Variants in CMYA5 observed in about 807,000 individuals in gnomAD.
CMYA5 encodes cardiomyopathy-associated protein 5.
Under a neutral mutation model 318.9 loss-of-function variants are expected in CMYA5, and 246 were observed. The ratio of observed to expected loss-of-function variants is 0.77; its 90% CI spans 0.70 to 0.86. The LOEUF is 0.86. Ranked by LOEUF, CMYA5 falls within the 40% of genes least tolerant of loss-of-function variation. The probability of loss-of-function intolerance (pLI) is 0.00; values close to 1 mark genes in which losing one functional copy is unlikely to be tolerated. For missense variants in CMYA5, 4,589 were observed against 4,678.2 expected (o/e 0.98, Z 0.56); for synonymous variants, 1,641 against 1,729.5 (o/e 0.95, Z 1.27).
rs1005231971 is a variant in CMYA5 at position 79,730,039 on chromosome 5, A to G, written c.1274A>G (p.Glu425Gly). The change falls in exon 2 of 13, where the codon GAA becomes GGA. Residue 425 changes from glutamate to glycine, a missense_variant. By Grantham distance (98) the Glu-to-Gly change is moderately conservative (BLOSUM62 -2). Coordinates refer to ENST00000446378, the MANE Select transcript of CMYA5 (RefSeq NM_153610.5). ...TCATTTGCTAATGAGGTAAAGAAGG[A>G]AGATGTGTATTCTGCTCACCATTCC... Reference protein sequence around the residue: ...SPSFANEVKKEDVYSAHHSIS... With the variant: ...SPSFANEVKKGDVYSAHHSIS... 1.2e-5 allele frequency: 20 copies of G among 1,613,966 alleles called. No individual in the cohort carries two copies. The highest frequency in any genetic ancestry group is 1.5e-5 in the Non-Finnish European group (18 of 1,179,898).
At position 79,732,719 on chromosome 5, in the gene CMYA5, A is replaced by G. The variant is rs778376042; in HGVS notation, c.3954A>G (p.Ser1318=). Residue 1318 remains serine (S), a synonymous_variant, in exon 2 of 13, where the codon TCA becomes TCG. Transcript: ENST00000446378. Reference sequence around the variant, plus strand: ...CAACTACACCTATAGTGCTTCATTCAGCTTCCTCAGGAGTGGAAAAGCAAG... The same window carrying G: ...CAACTACACCTATAGTGCTTCATTCGGCTTCCTCAGGAGTGGAAAAGCAAG... ...KITTTPIVLH[S]ASSGVEKQVE... 3 of 1,613,688 alleles carry G rather than the reference A, an allele frequency of 1.9e-6. No individual in the cohort carries two copies. The highest frequency in any genetic ancestry group is 2.2e-5 in the South Asian group (2 of 91,010).
Position 79,737,658 on chromosome 5 carries a change from A to G in CMYA5, c.8893A>G (p.Ile2965Val). Reference protein sequence around the residue: ...NIHAPAFISSIDQEESEQMQD... With the variant: ...NIHAPAFISSVDQEESEQMQD... ...TCATGCTCCGGCCTTTATTTCTTCAATCGATCAGGAAGAAAGTGAACAAAT... is the reference window on the plus strand; with the variant it reads ...TCATGCTCCGGCCTTTATTTCTTCAGTCGATCAGGAAGAAAGTGAACAAAT... Residue 2965 changes from isoleucine (I) to valine (V), a missense_variant, in exon 2 of 13, where the codon ATC becomes GTC. Physicochemically the swap from Ile to Val is conservative, Grantham distance 29. Around this residue, in one of 3 missense-constraint regions of CMYA5, gnomAD observed 2,431 missense variants for 2,495.1 expected, o/e 0.97. Transcript: ENST00000446378. 1.9e-6 allele frequency: 3 copies of G among 1,613,480 alleles called. No individual in the cohort carries two copies. Among genetic ancestry groups the G allele is most frequent in the Non-Finnish European group, 2.5e-6 (3 of 1,179,656 alleles).
At chr5:79,778,913 A>ATTT (rs1402427063) in intron 9 of CMYA5, among the ~76,000 whole-genome samples, 1 of 89,858 alleles carries the variant, frequency 1.1e-5, no homozygotes, top group Non-Finnish European at 2.2e-5. Flanking sequence ...TTTTTTTTTA[A>ATTT]TTTTTTTTTT....
intron 5 of CMYA5, among the ~76,000 whole-genome samples, chr5:79,748,187 A>G (rs919999173): frequency 6.6e-6 from 1 of 152,184 alleles, no homozygotes; most frequent in Non-Finnish European, 1.5e-5. Context: ...ATCTTCTGAG[A>G]TTCTGATTTA....
Position 79,732,046 on chromosome 5 carries a change from CA to C in CMYA5, c.3282del (p.Glu1095ArgfsTer25). 1.2e-6 allele frequency: 2 copies of C among 1,613,894 alleles called. No homozygotes were observed. Among genetic ancestry groups the C allele is most frequent in the Non-Finnish European group, 1.7e-6 (2 of 1,179,866 alleles). On this transcript the variant is annotated frameshift_variant, in exon 2 of 13. Coordinates refer to ENST00000446378, the MANE Select transcript of CMYA5 (RefSeq NM_153610.5). LOFTEE classifies it high-confidence loss of function. ...AAATCAGAGAAAGCAGAAATTAAGC[CA>C]GAGATTCCAACAACCTCAACATCTG... ...TDKSEKAEIK[P>X]EIPTTSTSVS...
In CMYA5 at chr5:79,736,306, C is replaced by A; in HGVS notation, c.7541C>A (p.Pro2514Gln). 6.2e-7 allele frequency: 1 copy of A among 1,613,524 alleles called. No homozygotes were observed. The highest frequency in any genetic ancestry group is 8.5e-7 in the Non-Finnish European group (1 of 1,179,760). Residue 2514 changes from proline to glutamine, a missense_variant, in exon 2 of 13, where the codon CCA becomes CAA. This residue lies in a region of CMYA5 where 2,431 missense variants were observed against 2,495.1 expected (regional missense o/e 0.97). Coordinates refer to ENST00000446378, the MANE Select transcript of CMYA5 (RefSeq NM_153610.5). ...AAAGAATCAAAAGCCGATGCTATGC[C>A]ACAGCACTTCTATCAAAATGAAGAC... Reference protein sequence around the residue: ...ELKESKADAMPQHFYQNEDYN... With the variant: ...ELKESKADAMQQHFYQNEDYN...
At position 79,689,867 on chromosome 5, in the gene CMYA5, GCGGCTC is replaced by G. The variant is rs749728973; in HGVS notation, c.-30_-25del. The G allele has an allele frequency of 1.8e-5, 12 of 661,676 alleles. No homozygotes were observed. The highest frequency in any genetic ancestry group is 1.1e-4 in the South Asian group (7 of 61,452). 41.0% of individuals were successfully genotyped at this position (661,676 alleles called of 1,614,324 possible). On this transcript the variant is annotated 5_prime_UTR_variant, in exon 1 of 13. Coordinates refer to ENST00000446378, the MANE Select transcript of CMYA5 (RefSeq NM_153610.5). ...AGGGAGAACACCAGGCGCGGCGCGG[GCGGCTC>G]CGGCTCCGGCCCCGGCCCAGGCCCG...
At chr5:79,760,546 G>A (rs1179613199) in intron 7 of CMYA5, among the ~76,000 whole-genome samples, 1 of 152,166 alleles carries the variant, frequency 6.6e-6, no homozygotes, top group Admixed American at 6.5e-5. Context: ...GGGGAAGCAA[G>A]CACATCTTCC....
At chr5:79,756,253 GC>G (rs1828526313) in intron 6 of CMYA5, among the ~76,000 whole-genome samples, 1 of 152,168 alleles carries the variant, frequency 6.6e-6, no homozygotes, top group Non-Finnish European at 1.5e-5. Context: ...CTCACCAGCG[GC>G]CTCTGCCTTA....
In CMYA5 at chr5:79,733,129, C is replaced by T; in HGVS notation, c.4364C>T (p.Ala1455Val). The change falls in exon 2 of 13, where the codon GCA (alanine) becomes GTA (valine). Residue 1455 changes from alanine to valine, a missense_variant. Coordinates refer to ENST00000446378, the MANE Select transcript of CMYA5 (RefSeq NM_153610.5). ...TCACTTCCAAGTGTCTCCTCTATAGCAGAGCATTCTGTTTTGTCAGAAGTA... is the reference window on the plus strand; with the variant it reads ...TCACTTCCAAGTGTCTCCTCTATAGTAGAGCATTCTGTTTTGTCAGAAGTA... ...FDSLPSVSSI[A>V]EHSVLSEVEA... 1 of 1,613,788 alleles carries T rather than the reference C, an allele frequency of 6.2e-7. No homozygotes were observed. The highest frequency in any genetic ancestry group is 8.5e-7 in the Non-Finnish European group (1 of 1,179,828).
chr5:79,754,688 T>G (rs1354770105), intron 6 of CMYA5, among the ~76,000 whole-genome samples: 1 of 152,020 alleles, frequency 6.6e-6, no homozygotes, highest in Non-Finnish European at 1.5e-5. Flanking sequence ...ATAACAAAAT[T>G]TACCATCTTG....
In CMYA5 at chr5:79,730,385, A is replaced by G. The variant is rs771262756; in HGVS notation, c.1620A>G (p.Pro540=). 3.0e-5 allele frequency: 48 copies of G among 1,613,806 alleles called. No individual in the cohort carries two copies. Among genetic ancestry groups the G allele is most frequent in the Non-Finnish European group, 3.7e-5 (44 of 1,179,892 alleles). The change falls in exon 2 of 13, where the codon CCA becomes CCG. Residue 540 remains proline (P), a synonymous_variant. Coordinates refer to ENST00000446378, the MANE Select transcript of CMYA5 (RefSeq NM_153610.5). ...EIVELDYPES[P]LVSEKPFPPH... ...TAGAACTTGATTACCCAGAAAGCCCATTGGTTTCCGAGAAGCCCTTCCCAC... is the reference window on the plus strand; with the variant it reads ...TAGAACTTGATTACCCAGAAAGCCCGTTGGTTTCCGAGAAGCCCTTCCCAC...
Position 79,763,722 on chromosome 5 carries a change from C to T in CMYA5, c.11555+513C>T, listed in dbSNP as rs79996448. On this transcript the variant is annotated intron_variant, in intron 9 of 12. Coordinates refer to ENST00000446378, the MANE Select transcript of CMYA5 (RefSeq NM_153610.5). ...TTCTTCTAGGAAAAAAGAAATGTGA[C>T]GCACTCTCACCAAGATGCTGAAGCT... is the stretch of plus-strand genomic sequence containing the variant. Among the ~76,000 whole-genome samples, 962 of 152,266 alleles carry T rather than the reference C, an allele frequency of 6.3e-3. 15 individuals carry two copies. The highest frequency in any genetic ancestry group is 0.06 in the South Asian group (290 of 4,820).
chr5:79,793,834 A>G (rs543715696), intron 12 of CMYA5, among the ~76,000 whole-genome samples: 3 of 152,314 alleles, frequency 2.0e-5, no homozygotes, highest in Admixed American at 6.5e-5. Flanking sequence ...GGTTTCTTAT[A>G]TTAAACCCTA....
At position 79,736,238 on chromosome 5, in the gene CMYA5, A is replaced by G; in HGVS notation, c.7473A>G (p.Ile2491Met). 2 of 1,613,482 alleles carry G rather than the reference A, an allele frequency of 1.2e-6. No individual in the cohort carries two copies. Among genetic ancestry groups the G allele is most frequent in the East Asian group, 4.5e-5 (2 of 44,868 alleles). ...TAGAGCTTAGAGATAGTAATGAAAT[A>G]GGGAAGACACAAATTACACTTGGAT... ...APLELRDSNE[I>M]GKTQITLGSR... The change falls in exon 2 of 13, where the codon ATA (isoleucine) becomes ATG (methionine). Residue 2491 changes from isoleucine (I) to methionine (M), a missense_variant. By Grantham distance (10) the Ile-to-Met change is conservative. Coordinates refer to ENST00000446378, the MANE Select transcript of CMYA5 (RefSeq NM_153610.5).
In CMYA5 at chr5:79,785,797, C is replaced by A. The variant is rs1222885128; in HGVS notation, c.11556-3174C>A. Reference sequence around the variant, plus strand: ...TAATGGGAATGCTTTTAATATCCCCCTTAACCATTATGACCCCAATTATTT... The same window carrying A: ...TAATGGGAATGCTTTTAATATCCCCATTAACCATTATGACCCCAATTATTT... On this transcript the variant is annotated intron_variant, in intron 9 of 12. Coordinates refer to ENST00000446378, the MANE Select transcript of CMYA5 (RefSeq NM_153610.5). 2.0e-5 allele frequency among the ~76,000 whole-genome samples: 3 copies of A among 152,184 alleles called. No individual in the cohort carries two copies. In the East Asian group the frequency reaches 5.8e-4, roughly 29 times the overall value.
intron 1 of CMYA5, among the ~76,000 whole-genome samples, chr5:79,701,090 C>CCAAAAAAAA (rs55791310): frequency 0.15 from 17,076 of 113,036 alleles, 1,209 homozygotes; most frequent in East Asian, 0.32. Flanking sequence ...ACTAAAAATA[C>CCAAAAAAAA]AAAAAAAAAA....
At chr5:79,766,220 T>C (rs890399124) in intron 9 of CMYA5, among the ~76,000 whole-genome samples, 1 of 152,158 alleles carries the variant, frequency 6.6e-6, no homozygotes, top group African/African-American at 2.4e-5. Flanking sequence ...TGCCTCAGCC[T>C]CCCGAGTAGC....
intron 1 of CMYA5, among the ~76,000 whole-genome samples, chr5:79,724,444 G>A (rs1321421194): frequency 6.6e-6 from 1 of 152,234 alleles, no homozygotes; most frequent in Non-Finnish European, 1.5e-5. Context: ...TGAAAGGGGA[G>A]CCTTTGACAT....
Sources: allele counts gnomAD v4.1 joint callset (sites outside exome capture counted in the v4.1 genomes callset), GRCh38; gene constraint gnomAD v4.1.1; regional missense constraint gnomAD v4.1.1; transcripts MANE v1.5; gene names NCBI Gene and HGNC (gene_info 2026-07-23, HGNC 2026-07-21).